Variants in BCL11B observed in about 807,000 individuals in gnomAD.
BCL11B encodes B-cell lymphoma/leukemia 11B.
Under a neutral mutation model 49.9 loss-of-function variants are expected in BCL11B, and 8 were observed. That is an observed-to-expected ratio of 0.16 (90% CI 0.09 to 0.29). The LOEUF (loss-of-function observed/expected upper bound fraction) is 0.29. Among genes scored for constraint, BCL11B ranks in the 10% least tolerant of loss-of-function variants. BCL11B has a pLI of 1.00. For missense variants in BCL11B, 1,006 were observed against 1,351.0 expected (o/e 0.74, Z 4.00); for synonymous variants, 739 against 637.4 (o/e 1.16, Z -2.40).
intron 3 of BCL11B, among the ~76,000 whole-genome samples, chr14:99,219,120 C>A (rs1187280845): frequency 1.3e-5 from 2 of 151,756 alleles, no homozygotes; most frequent in African/African-American, 4.8e-5. Flanking sequence ...CGGCTCATGG[C>A]AGCCTCAACC....
chr14:99,206,751 A>C (rs1887543528), intron 3 of BCL11B, among the ~76,000 whole-genome samples: 1 of 152,200 alleles, frequency 6.6e-6, no homozygotes, highest in African/African-American at 2.4e-5. Flanking sequence ...TGAATTTATA[A>C]ATTAAACTTT....
intron 3 of BCL11B, among the ~76,000 whole-genome samples, chr14:99,199,431 A>G (rs569228788): frequency 6.6e-6 from 1 of 152,350 alleles, no homozygotes; most frequent in African/African-American, 2.4e-5. Flanking sequence ...ATTGCTGTCA[A>G]TATTCTCAAT....
chr14:99,231,474 G>C lies in BCL11B; in HGVS notation c.511C>G (p.Leu171Val). 3 of 1,601,942 alleles carry C rather than the reference G, an allele frequency of 1.9e-6. No homozygotes were observed. Among genetic ancestry groups the C allele is most frequent in the Non-Finnish European group, 2.6e-6 (3 of 1,174,714 alleles). Reference protein sequence around the residue: ...HPHSSVITSPLRALGALPPCL... With the variant: ...HPHSSVITSPVRALGALPPCL... The stretch of plus-strand genomic sequence containing the variant: ...GGCGGGAGAGCGCCCAGGGCACGCA[G>C]AGGTGAAGTGATCACGGATGAGTGA... The change falls in exon 3 of 4, where the codon CTG (leucine) becomes GTG (valine). Residue 171 changes from leucine (L) to valine (V), a missense_variant. Around this residue, in one of 6 missense-constraint regions of BCL11B, gnomAD observed 411 missense variants for 542.2 expected, o/e 0.76. Coordinates refer to ENST00000357195, the MANE Select transcript of BCL11B (RefSeq NM_138576.4). This position sits in a 1 kb window ranked among gnomAD's most constrained non-coding sequence, Gnocchi z 8.1.
chr14:99,178,103 C>A (rs1886592810), intron 3 of BCL11B, among the ~76,000 whole-genome samples: 1 of 152,018 alleles, frequency 6.6e-6, no homozygotes, highest in Admixed American at 6.6e-5. Flanking sequence ...GGTGGAGACT[C>A]CCCCCGCGAC....
intron 3 of BCL11B, among the ~76,000 whole-genome samples, chr14:99,207,701 C>G (rs930781979): frequency 6.6e-6 from 1 of 152,200 alleles, no homozygotes; most frequent in Non-Finnish European, 1.5e-5. Context: ...GAGCTTTTCC[C>G]GGAGAGTAAA....
intron 2 of BCL11B, among the ~76,000 whole-genome samples, chr14:99,233,609 G>A (rs1275301863): frequency 6.6e-6 from 1 of 152,192 alleles, no homozygotes; most frequent in Non-Finnish European, 1.5e-5. Context: ...GGTAAGGGTT[G>A]TCCCAGGTGC....
intron 3 of BCL11B, among the ~76,000 whole-genome samples, chr14:99,189,479 C>A (rs1886958088): frequency 5.9e-5 from 9 of 152,222 alleles, no homozygotes; most frequent in Admixed American, 5.9e-4. Context: ...CACGTGGGCA[C>A]ACACGCACAC....
At chr14:99,190,607 G>C (rs1193948328) in intron 3 of BCL11B, among the ~76,000 whole-genome samples, 1 of 152,152 alleles carries the variant, frequency 6.6e-6, no homozygotes, top group Non-Finnish European at 1.5e-5. Context: ...CTAAGGGAAG[G>C]AGGGAAGAGG....
intron 3 of BCL11B, among the ~76,000 whole-genome samples, chr14:99,217,194 A>G (rs958387479): frequency 6.6e-6 from 1 of 152,212 alleles, no homozygotes; most frequent in African/African-American, 2.4e-5. Context: ...TCACATGTAT[A>G]CACATGCATG....
In BCL11B at chr14:99,174,007, A is replaced by T; in HGVS notation, c.*144T>A. ...GGTTTCCATAGGACTTCGCAGACAC[A>T]GGTTAGGTTGGAGTGCCGCCTCCCC... On this transcript the variant is annotated 3_prime_UTR_variant, in exon 4 of 4. Transcript: ENST00000357195. The T allele has an allele frequency of 1.4e-6, 1 of 727,970 alleles. No individual in the cohort carries two copies. The highest frequency in any genetic ancestry group is 2.2e-6 in the Non-Finnish European group (1 of 448,414). The allele number at this position is 727,970 out of a possible 1,614,324, so 45.1% of individuals were successfully genotyped here.
At chr14:99,181,177 A>G (rs898474070) in intron 3 of BCL11B, among the ~76,000 whole-genome samples, 1 of 152,198 alleles carries the variant, frequency 6.6e-6, no homozygotes, top group African/African-American at 2.4e-5. Context: ...CTGTTCGAGA[A>G]GGAGCAGCAA....
intron 3 of BCL11B, among the ~76,000 whole-genome samples, chr14:99,208,410 C>T (rs964068345): frequency 6.6e-6 from 1 of 152,176 alleles, no homozygotes; most frequent in African/African-American, 2.4e-5. Flanking sequence ...TGCTAATCAC[C>T]ACATTATTTA....
intron 2 of BCL11B, among the ~76,000 whole-genome samples, chr14:99,234,220 G>T (rs1196932462): frequency 6.6e-6 from 1 of 152,060 alleles, no homozygotes; most frequent in Non-Finnish European, 1.5e-5. Context: ...GAAAATGCTC[G>T]GGACTTAGAC....
chr14:99,186,618 G>A (rs567158072), intron 3 of BCL11B, among the ~76,000 whole-genome samples: 3 of 152,208 alleles, frequency 2.0e-5, no homozygotes, highest in African/African-American at 7.2e-5. Context: ...CTCAAAGAAA[G>A]GAAGAACTGA....
chr14:99,199,696 G>GCGCGCGCGCGCGCGCA (rs1555378702), intron 3 of BCL11B, among the ~76,000 whole-genome samples: 1 of 77,892 alleles, frequency 1.3e-5, no homozygotes, highest in African/African-American at 3.9e-5. Flanking sequence ...GCGCGCGCGC[G>GCGCGCGCGCGCGCGCA]CACGTGCACG....
intron 3 of BCL11B, among the ~76,000 whole-genome samples, chr14:99,185,436 T>G (rs1886823795): frequency 1.1e-5 from 1 of 95,234 alleles, no homozygotes. Context: ...GACTCTGCCT[T>G]AAAAAAAAAG....
chr14:99,233,379 T>C (rs1436731792), intron 2 of BCL11B, among the ~76,000 whole-genome samples: 1 of 152,202 alleles, frequency 6.6e-6, no homozygotes, highest in African/African-American at 2.4e-5. Flanking sequence ...AATGCTCTGC[T>C]TCCCTCTAGG....
In BCL11B at chr14:99,271,899, CTGTTTT is replaced by C. The variant is rs930474105; in HGVS notation, c.-687_-682del. 2.0e-5 allele frequency among the ~76,000 whole-genome samples: 3 copies of C among 152,104 alleles called. No individual in the cohort carries two copies. The highest frequency in any genetic ancestry group is 4.8e-5 in the African/African-American group (2 of 41,434). On this transcript the variant is annotated 5_prime_UTR_variant, in exon 1 of 4. Coordinates refer to ENST00000357195, the MANE Select transcript of BCL11B (RefSeq NM_138576.4). ...TGTTTCTGGGTTTTCTGCGGGCTGC[CTGTTTT>C]TGTTTTTGTTTTTGTTTTTTCTCGG...
chr14:99,227,981 T>A (rs1168624141), intron 3 of BCL11B, among the ~76,000 whole-genome samples: 2 of 152,144 alleles, frequency 1.3e-5, no homozygotes, highest in Non-Finnish European at 2.9e-5. Context: ...CAGGGCCCCC[T>A]GGGATGCTGC....
Sources: allele counts gnomAD v4.1 joint callset (sites outside exome capture counted in the v4.1 genomes callset), GRCh38; gene constraint gnomAD v4.1.1; regional missense constraint gnomAD v4.1.1; non-coding constraint Gnocchi (gnomAD v3.1); transcripts MANE v1.5; gene names NCBI Gene and HGNC (gene_info 2026-07-23, HGNC 2026-07-21).